Variants in CCR5AS observed in about 807,000 individuals in gnomAD.
CCR5AS encodes CCR5 antisense RNA.
rs548403123 is a variant in CCR5AS, at chr3:46,380,026, C to G, written n.392-8609G>C. ...TGAGCAAGGGCAGGGGGTCTGCACA[C>G]TGGCATGGTGCCTGATCTATCCAGG... On this transcript the variant is annotated intron_variant and non_coding_transcript_variant, in intron 2 of 3. Transcript: ENST00000451485. Among the ~76,000 whole-genome samples, 8 of 152,328 alleles carry G rather than the reference C, an allele frequency of 5.3e-5. No homozygotes were observed. In the South Asian group the frequency reaches 1.7e-3, roughly 32 times the overall value.
At chr3:46,385,675 T>A (rs1198380220) in intron 2 of CCR5AS, among the ~76,000 whole-genome samples, 1 of 152,196 alleles carries the variant, frequency 6.6e-6, no homozygotes. Flanking sequence ...CAAACCCTAC[T>A]GGGCGCAACT....
Position 46,369,195 on chromosome 3 carries a change from T to A in CCR5AS, n.565+2049A>T, listed in dbSNP as rs1350644069. Reference sequence around the variant, plus strand: ...CATATTGAGTAAGTTTGTATTTGGGTTTTTTTAAAACCTCCACTCTACAGT... The same window carrying A: ...CATATTGAGTAAGTTTGTATTTGGGATTTTTTAAAACCTCCACTCTACAGT... On this transcript the variant is annotated intron_variant and non_coding_transcript_variant, in intron 3 of 3. Coordinates refer to ENST00000451485, the Ensembl canonical transcript of CCR5AS. Among the ~76,000 whole-genome samples, 8 of 152,306 alleles carry A rather than the reference T, an allele frequency of 5.3e-5. No individual in the cohort carries two copies. The East Asian group carries it at 1.2e-3, about 22-fold the overall frequency.
intron 2 of CCR5AS, among the ~76,000 whole-genome samples, chr3:46,389,014 A>G (rs2106768621): frequency 6.6e-6 from 1 of 152,312 alleles, no homozygotes; most frequent in African/African-American, 2.4e-5. Context: ...CAGGGCATTT[A>G]TGAGTCATTG....
chr3:46,390,448 G>A (rs1240342494), intron 2 of CCR5AS, among the ~76,000 whole-genome samples: 1 of 152,132 alleles, frequency 6.6e-6, no homozygotes, highest in Non-Finnish European at 1.5e-5. Flanking sequence ...GCTTTAAGAG[G>A]CCATGTTGAA....
chr3:46,400,680 G>T (rs1163290444), intron 1 of CCR5AS, among the ~76,000 whole-genome samples: 1 of 152,176 alleles, frequency 6.6e-6, no homozygotes, highest in African/African-American at 2.4e-5. Flanking sequence ...CACCAGATGG[G>T]GGTCCACATG....
chr3:46,406,683 C>T (rs1384490065), intron 1 of CCR5AS, among the ~76,000 whole-genome samples: 1 of 152,168 alleles, frequency 6.6e-6, no homozygotes, highest in Non-Finnish European at 1.5e-5. Flanking sequence ...GCACCAATCA[C>T]TTCTGGCTGC....
intron 2 of CCR5AS, among the ~76,000 whole-genome samples, chr3:46,384,481 G>A (rs1298925402): frequency 1.3e-5 from 2 of 152,162 alleles, no homozygotes; most frequent in Non-Finnish European, 2.9e-5. Flanking sequence ...CAATTTTACA[G>A]GTTGCTCTTT....
At chr3:46,368,237 A>T (rs192002630) in intron 3 of CCR5AS, among the ~76,000 whole-genome samples, 1 of 152,222 alleles carries the variant, frequency 6.6e-6, no homozygotes, top group Non-Finnish European at 1.5e-5. Flanking sequence ...CATGGAGTCT[A>T]GAGTGACAAA....
In CCR5AS at chr3:46,391,830, G is replaced by A. The variant is rs540617611; in HGVS notation, n.391+995C>T. On this transcript the variant is annotated intron_variant and non_coding_transcript_variant, in intron 2 of 3. Coordinates refer to ENST00000451485, the Ensembl canonical transcript of CCR5AS. ...GCTAGGCCTAGCGAGGAACAGCCTG[G>A]GGAGGAGGGGAGAAATCAGATGGGT... 5.3e-5 allele frequency among the ~76,000 whole-genome samples: 8 copies of A among 152,236 alleles called. No individual in the cohort carries two copies. The South Asian group carries it at 1.7e-3, about 32-fold the overall frequency.
intron 2 of CCR5AS, chr3:46,373,652 C>A: frequency 6.2e-7 from 1 of 1,614,124 alleles, no homozygotes; most frequent in South Asian, 1.1e-5. Context: ...TCTGGGCTCC[C>A]TACAACATTG....
chr3:46,390,001 C>T (rs1277504466), intron 2 of CCR5AS, among the ~76,000 whole-genome samples: 1 of 152,130 alleles, frequency 6.6e-6, no homozygotes, highest in African/African-American at 2.4e-5. Context: ...GGCTAGTGTC[C>T]TGCTGGGAAG....
chr3:46,395,359 G>A (rs1701950085), intron 1 of CCR5AS, among the ~76,000 whole-genome samples: 1 of 152,166 alleles, frequency 6.6e-6, no homozygotes, highest in Non-Finnish European at 1.5e-5. Flanking sequence ...GTCACAGGCA[G>A]TGGATGCCGT....
At chr3:46,400,613 G>A (rs1430658402) in intron 1 of CCR5AS, among the ~76,000 whole-genome samples, 1 of 152,222 alleles carries the variant, frequency 6.6e-6, no homozygotes, top group Non-Finnish European at 1.5e-5. Context: ...CCTCAGCTGG[G>A]CACTAGTGGA....
intron 2 of CCR5AS, among the ~76,000 whole-genome samples, chr3:46,381,739 G>A (rs1411672604): frequency 6.6e-6 from 1 of 152,144 alleles, no homozygotes; most frequent in Non-Finnish European, 1.5e-5. Context: ...AATCAAATAA[G>A]GACTCTGTTG....
At chr3:46,395,150 A>C (rs1350874962) in intron 1 of CCR5AS, among the ~76,000 whole-genome samples, 1 of 152,122 alleles carries the variant, frequency 6.6e-6, no homozygotes, top group Non-Finnish European at 1.5e-5. Flanking sequence ...CAGGACTTTT[A>C]GGGAGGCATA....
At chr3:46,368,085 A>T (rs1306631903) in intron 3 of CCR5AS, among the ~76,000 whole-genome samples, 1 of 152,142 alleles carries the variant, frequency 6.6e-6, no homozygotes, top group Non-Finnish European at 1.5e-5. Flanking sequence ...ATGCTCTGAA[A>T]ATATGGTCCA....
intron 2 of CCR5AS, among the ~76,000 whole-genome samples, chr3:46,372,459 G>A (rs2856765): frequency 0.3 from 45,646 of 151,936 alleles, 7,812 homozygotes; most frequent in East Asian, 0.56. Context: ...GCCCGGGATG[G>A]TCCAGGCTGC....
At chr3:46,364,838 G>T (rs1701585016) in exon 4 of CCR5AS, 1 of 152,234 alleles carries the variant, frequency 6.6e-6, no homozygotes, top group Non-Finnish European at 1.5e-5. Flanking sequence ...AACCCCCATA[G>T]ATGACTTTCA....
At chr3:46,404,663 C>G (rs1702031329) in intron 1 of CCR5AS, among the ~76,000 whole-genome samples, 1 of 152,134 alleles carries the variant, frequency 6.6e-6, no homozygotes, top group Non-Finnish European at 1.5e-5. Context: ...TCTGACTACA[C>G]TATTTAAAAT....
Sources: allele counts gnomAD v4.1 joint callset (sites outside exome capture counted in the v4.1 genomes callset), GRCh38; gene constraint gnomAD v4.1.1; transcripts MANE v1.5; gene names NCBI Gene and HGNC (gene_info 2026-07-23, HGNC 2026-07-21).